The following MRTFB variants were observed in gnomAD, a reference collection of about 807,000 sequenced individuals.
MRTFB encodes the protein myocardin related transcription factor B.
Under a neutral mutation model 104.2 loss-of-function variants are expected in MRTFB, and 29 were observed. That is an observed-to-expected ratio of 0.28 (90% confidence interval 0.21 to 0.38). MRTFB has a LOEUF of 0.38. Among genes scored for constraint, MRTFB ranks in the 10% least tolerant of loss-of-function variants. MRTFB has a pLI of 1.00. For synonymous variants in MRTFB, 535 were observed against 519.5 expected (o/e 1.03, Z -0.41); for missense variants, 1,270 against 1,341.6 (o/e 0.95, Z 0.83).
chr16:14,091,528 T>G (rs1181115153), intron 2 of MRTFB, among the ~76,000 whole-genome samples: 1 of 152,036 alleles, frequency 6.6e-6, no homozygotes, highest in Non-Finnish European at 1.5e-5. Flanking sequence ...GAGTTTGTGC[T>G]CCCCGGCCAG....
At chr16:14,022,555 C>A in the MRTFB span, among the ~76,000 whole-genome samples, 1 of 152,058 alleles carries the variant, frequency 6.6e-6, no homozygotes, top group African/African-American at 2.4e-5. Flanking sequence ...TGCCACCACA[C>A]CCAGCTAATT....
intron 12 of MRTFB, chr16:14,248,431 T>G (rs1454242580): frequency 6.6e-6 from 1 of 152,520 alleles, no homozygotes; most frequent in Admixed American, 6.5e-5. Context: ...TAATAAATCC[T>G]TAAATTTTTT....
chr16:14,261,666 A>G lies in MRTFB; in HGVS notation c.*222A>G, dbSNP rs1597403514. On this transcript the variant is annotated 3_prime_UTR_variant, in exon 17 of 17. Transcript: ENST00000571589. ...TAACATAGCACAGGGCCTTCTGAAA[A>G]TCGCACTTGTCAAAGACGACTCATC... 8.5e-6 allele frequency: 4 copies of G among 467,972 alleles called. No homozygotes were observed. In the East Asian group the frequency reaches 1.3e-4, roughly 15 times the overall value. The allele number at this position is 467,972 out of a possible 1,614,324, so 29.0% of individuals were successfully genotyped here. A position where few individuals can be genotyped will look rare whatever the true frequency, so the allele number is the denominator to read the frequency against.
chr16:14,206,140 T>C (rs1265457103), intron 3 of MRTFB, among the ~76,000 whole-genome samples: 2 of 152,174 alleles, frequency 1.3e-5, no homozygotes, highest in Non-Finnish European at 2.9e-5. Flanking sequence ...GCTTAATCCA[T>C]GAAGGTCCCA....
chr16:14,149,106 A>G (rs184188002), intron 3 of MRTFB, among the ~76,000 whole-genome samples: 1 of 152,180 alleles, frequency 6.6e-6, no homozygotes. Flanking sequence ...TAGAATATGT[A>G]GTTTCTATTG....
chr16:14,110,079 C>T (rs2036193150), intron 2 of MRTFB, among the ~76,000 whole-genome samples: 1 of 152,194 alleles, frequency 6.6e-6, no homozygotes, highest in Non-Finnish European at 1.5e-5. Context: ...ATTTACTCTA[C>T]TACCTTGAAA....
intron 2 of MRTFB, among the ~76,000 whole-genome samples, chr16:14,102,910 G>A (rs1476105678): frequency 6.6e-6 from 1 of 152,186 alleles, no homozygotes; most frequent in Non-Finnish European, 1.5e-5. Context: ...TAAGGTGAAA[G>A]GAGAAGGTGA....
At chr16:14,191,424 T>C (rs530300679) in intron 3 of MRTFB, among the ~76,000 whole-genome samples, 2 of 152,346 alleles carry the variant, frequency 1.3e-5, no homozygotes. Flanking sequence ...CTAATGATAA[T>C]TTCTTCTCTC....
Position 14,218,826 on chromosome 16 carries a change from G to T in MRTFB, c.521G>T (p.Gly174Val). The T allele has an allele frequency of 6.3e-7, 1 of 1,585,562 alleles. No homozygotes were observed. The highest frequency in any genetic ancestry group is 2.3e-5 in the East Asian group (1 of 43,670). ...AAATCATTTCTTTCTTTAGGCGTTG[G>T]GAAGGAGGACTATCCCCACACTCAG... ...SSVKEAIIGV[G>V]KEDYPHTQGD... is the part of the protein sequence containing the mutation. The change falls in exon 8 of 17, where the codon GGG becomes GTG. Residue 174 changes from glycine to valine, a missense_variant. Around this residue, in one of 3 missense-constraint regions of MRTFB, gnomAD observed 1,144 missense variants for 1,131.5 expected, o/e 1.01. Transcript: ENST00000571589.
intron 2 of MRTFB, among the ~76,000 whole-genome samples, chr16:14,098,407 G>T (rs1012354377): frequency 2.6e-5 from 4 of 152,068 alleles, no homozygotes; most frequent in Admixed American, 1.3e-4. Flanking sequence ...TGTTTATTGG[G>T]TTGTTTGTTT....
At chr16:14,236,987 C>T (rs1267425299) in intron 9 of MRTFB, among the ~76,000 whole-genome samples, 1 of 152,126 alleles carries the variant, frequency 6.6e-6, no homozygotes, top group Non-Finnish European at 1.5e-5. Flanking sequence ...AGTTGTGAAC[C>T]ATCTACTGTT....
At chr16:14,222,957 G>A (rs1338949466) in intron 8 of MRTFB, among the ~76,000 whole-genome samples, 1 of 151,674 alleles carries the variant, frequency 6.6e-6, no homozygotes, top group Non-Finnish European at 1.5e-5. Context: ...GAGGCAGGAG[G>A]ATTACTTAAA....
At position 14,086,163 on chromosome 16, in the gene MRTFB, A is replaced by C. The variant is rs181928871; in HGVS notation, c.-64+6809A>C. On this transcript the variant is annotated intron_variant, in intron 2 of 16. Transcript: ENST00000571589. ...AATAGAAGCAGAGAAATTGATTGCC[A>C]GCCTTTGAGAAGAATGTATAATAAA... Among the ~76,000 whole-genome samples, 216 of 152,360 alleles carry C rather than the reference A, an allele frequency of 1.4e-3. 1 individual carries two copies. Among genetic ancestry groups the C allele is most frequent in the Non-Finnish European group, 2.3e-3 (158 of 68,024 alleles).
chr16:14,195,486 G>A (rs1003033895), intron 3 of MRTFB: 89 of 981,418 alleles, frequency 9.1e-5, no homozygotes, highest in Non-Finnish European at 5.7e-5. Context: ...GTGTGTGTTT[G>A]TATCAGCCCC....
chr16:13,995,202 A>T, the MRTFB span, among the ~76,000 whole-genome samples: 1 of 152,198 alleles, frequency 6.6e-6, no homozygotes, highest in Non-Finnish European at 1.5e-5. Context: ...ATGGCCTTGG[A>T]GAAGCAAAAT....
chr16:14,253,220 C>T (rs1205591364), intron 15 of MRTFB, among the ~76,000 whole-genome samples: 1 of 152,184 alleles, frequency 6.6e-6, no homozygotes, highest in Non-Finnish European at 1.5e-5. Context: ...CCTAAACACT[C>T]CTCCAATCTT....
Position 14,251,890 on chromosome 16 carries a change from C to T in MRTFB, c.2432C>T (p.Thr811Ile), listed in dbSNP as rs1468619766. 6.2e-7 allele frequency: 1 copy of T among 1,614,144 alleles called. No individual in the cohort carries two copies. Among genetic ancestry groups the T allele is most frequent in the Non-Finnish European group, 8.5e-7 (1 of 1,179,998 alleles). ...TTCACAAACTCAGCATCATCAAATA[C>T]AGTTCTTCCATATCAGAGACATCCT... The part of the protein sequence containing the change: ...KVFTNSASSN[T>I]VLPYQRHPAP... The change falls in exon 14 of 17, where the codon ACA becomes ATA. Residue 811 changes from threonine to isoleucine, a missense_variant. Coordinates refer to ENST00000571589, the MANE Select transcript of MRTFB (RefSeq NM_001308142.2).
chr16:14,208,724 G>C lies in MRTFB; in HGVS notation c.155-1519G>C, dbSNP rs559276561. Among the ~76,000 whole-genome samples, 3 of 152,298 alleles carry C rather than the reference G, an allele frequency of 2.0e-5. No homozygotes were observed. In the East Asian group the frequency reaches 5.8e-4, roughly 29 times the overall value. The stretch of plus-strand genomic sequence containing the variant: ...TGGGTGCTGTAAGATGCACAGGTCA[G>C]CTCCTTGGTTATTTTGTTCTTAGTA... On this transcript the variant is annotated intron_variant, in intron 3 of 16. Coordinates refer to ENST00000571589, the MANE Select transcript of MRTFB (RefSeq NM_001308142.2).
intron 9 of MRTFB, among the ~76,000 whole-genome samples, chr16:14,238,927 G>C (rs1413447360): frequency 2.0e-5 from 3 of 152,122 alleles, no homozygotes; most frequent in African/African-American, 7.2e-5. Context: ...AACTGGCTGG[G>C]CTCAGAGGGC....
Sources: gnomAD v4.1 joint callset for allele counts (sites outside exome capture counted in the v4.1 genomes callset) on GRCh38, gnomAD v4.1.1 for gene constraint, gnomAD v4.1.1 regional missense constraint, MANE v1.5 for transcripts, NCBI Gene and HGNC (gene_info 2026-07-23, HGNC 2026-07-21) for gene names.